ZYG11B: variants seen among roughly 807,000 people sequenced by gnomAD.
ZYG11B encodes zyg-11 family member B, cell cycle regulator.
In ZYG11B, 36 loss-of-function variants were observed where a neutral mutation model predicts 82.4. The ratio of observed to expected loss-of-function variants is 0.44; its 90% CI spans 0.33 to 0.58. The LOEUF is 0.58. ZYG11B is among the 20% of genes least tolerant of loss of function. The probability of loss-of-function intolerance (pLI) is 0.02; values close to 1 mark genes in which losing one functional copy is unlikely to be tolerated. For missense variants in ZYG11B, 552 were observed against 895.6 expected (o/e 0.62, Z 4.90); for synonymous variants, 303 against 312.8 (o/e 0.97, Z 0.33).
intron 1 of ZYG11B, among the ~76,000 whole-genome samples, chr1:52,734,803 A>C (rs1375823464): frequency 6.6e-6 from 1 of 152,004 alleles, no homozygotes; most frequent in African/African-American, 2.4e-5. Flanking sequence ...ATCTGGGCTC[A>C]ACACAACGTC....
intron 10 of ZYG11B, among the ~76,000 whole-genome samples, chr1:52,804,031 G>A (rs1307446317): frequency 6.6e-6 from 1 of 152,130 alleles, no homozygotes; most frequent in African/African-American, 2.4e-5. Context: ...CTTGAGCCTA[G>A]GAGTTTGAGA....
intron 10 of ZYG11B, 64 bp from the exon 11 acceptor site, chr1:52,813,472 C>G: frequency 7.7e-7 from 1 of 1,291,186 alleles, no homozygotes; most frequent in Non-Finnish European, 1.1e-6. Flanking sequence ...GGCCTAAAAA[C>G]AGTTATCTTA....
chr1:52,776,229 A>AATATATATATATATATATATATATATAT lies in ZYG11B; in HGVS notation c.952-3608_952-3607insATATATATATATATATATATATATATAT, dbSNP rs1293809937. ...AGCAAAACTCTGTCTTAAAAAAAAA[A>AATATATATATATATATATATATATATAT]ATATATATATATATATGCAATAAAG... On this transcript the variant is annotated intron_variant, in intron 3 of 13. Transcript: ENST00000294353. Among the ~76,000 whole-genome samples the AATATATATATATATATATATATATATAT allele has an allele frequency of 1.8e-3, 42 of 23,522 alleles. 5 individuals carry two copies. The highest frequency in any genetic ancestry group is 7.1e-3 in the South Asian group (3 of 422). 15.4% of individuals were successfully genotyped at this position (23,522 alleles called of 152,430 possible).
At position 52,779,005 on chromosome 1, in the gene ZYG11B, A is replaced by T. The variant is rs116706226; in HGVS notation, c.952-848A>T. On this transcript the variant is annotated intron_variant, in intron 3 of 13. Transcript: ENST00000294353. ...GATTATGATAATAGCTCTGAAAGAG[A>T]TGTTTCAGGGGACCTAACTTAAATC... 9.5e-3 allele frequency among the ~76,000 whole-genome samples: 1,440 copies of T among 152,242 alleles called. 25 individuals carry two copies. The highest frequency in any genetic ancestry group is 0.033 in the African/African-American group (1,386 of 41,544).
At chr1:52,728,539 T>G (rs1644303621) in intron 1 of ZYG11B, among the ~76,000 whole-genome samples, 1 of 152,240 alleles carries the variant, frequency 6.6e-6, no homozygotes, top group African/African-American at 2.4e-5. Context: ...ATTACAGGCA[T>G]GAGCCATCAC....
At chr1:52,782,231 G>GTTAATA in intron 4 of ZYG11B, among the ~76,000 whole-genome samples, 1 of 151,774 alleles carries the variant, frequency 6.6e-6, no homozygotes, top group African/African-American at 2.4e-5. Flanking sequence ...CACCATGCCT[G>GTTAATA]GCTGAATTTT....
At chr1:52,735,321 G>C (rs1644370485) in intron 1 of ZYG11B, among the ~76,000 whole-genome samples, 1 of 152,176 alleles carries the variant, frequency 6.6e-6, no homozygotes, top group Non-Finnish European at 1.5e-5. Flanking sequence ...GAGCCACCGT[G>C]CCCGGCCCAA....
intron 10 of ZYG11B, among the ~76,000 whole-genome samples, chr1:52,803,099 C>CACACATATATATAT (rs1558139992): frequency 1.9e-4 from 2 of 10,796 alleles, no homozygotes; most frequent in African/African-American, 3.0e-4. Context: ...TATATATATA[C>CACACATATATATAT]ATATATATAT....
At chr1:52,742,316 A>G (rs1019285327) in intron 1 of ZYG11B, among the ~76,000 whole-genome samples, 1 of 152,032 alleles carries the variant, frequency 6.6e-6, no homozygotes, top group African/African-American at 2.4e-5. Context: ...GCCAGACATG[A>G]TGACACGTGC....
chr1:52,737,445 T>C (rs549213611), intron 1 of ZYG11B, among the ~76,000 whole-genome samples: 2 of 152,300 alleles, frequency 1.3e-5, no homozygotes, highest in East Asian at 3.9e-4. Context: ...GCATAGTGCT[T>C]GACATGTAGT....
At chr1:52,729,141 AC>A (rs1349767250) in intron 1 of ZYG11B, among the ~76,000 whole-genome samples, 2 of 152,106 alleles carry the variant, frequency 1.3e-5, no homozygotes, top group Non-Finnish European at 2.9e-5. Flanking sequence ...TTCCTAAGTC[AC>A]CTTTTCACTG....
intron 1 of ZYG11B, among the ~76,000 whole-genome samples, chr1:52,735,090 G>A (rs1644368152): frequency 6.6e-6 from 1 of 151,138 alleles, no homozygotes; most frequent in Non-Finnish European, 1.5e-5. Flanking sequence ...GAGTGCAATG[G>A]CGCGATCTCG....
intron 3 of ZYG11B, among the ~76,000 whole-genome samples, chr1:52,777,773 CTGAG>C (rs1422176723): frequency 6.6e-6 from 1 of 151,992 alleles, no homozygotes; most frequent in Non-Finnish European, 1.5e-5. Context: ...AACTTAGTTA[CTGAG>C]TAATATATTT....
At chr1:52,738,254 A>T (rs539105630) in intron 1 of ZYG11B, among the ~76,000 whole-genome samples, 2 of 152,296 alleles carry the variant, frequency 1.3e-5, no homozygotes, top group South Asian at 2.1e-4. Flanking sequence ...TCTGTCGCCC[A>T]GGCTGGAGTA....
chr1:52,795,436 C>T (rs766875841), intron 6 of ZYG11B, among the ~76,000 whole-genome samples: 1 of 152,142 alleles, frequency 6.6e-6, no homozygotes, highest in Non-Finnish European at 1.5e-5. Context: ...CAAGAATGGA[C>T]TAATAACTAG....
intron 1 of ZYG11B, among the ~76,000 whole-genome samples, chr1:52,730,283 G>A (rs1239347189): frequency 6.6e-6 from 1 of 151,982 alleles, no homozygotes; most frequent in Non-Finnish European, 1.5e-5. Context: ...GTGACCTCTG[G>A]CATTTTTCAT....
chr1:52,774,976 T>C (rs1253589791), intron 3 of ZYG11B, among the ~76,000 whole-genome samples: 2 of 152,202 alleles, frequency 1.3e-5, no homozygotes, highest in African/African-American at 4.8e-5. Context: ...TTCTTAGTCT[T>C]CATTTTATTT....
At chr1:52,743,402 T>TAAAAAAAAAAAAAAAA (rs71044414) in intron 1 of ZYG11B, among the ~76,000 whole-genome samples, 13 of 69,088 alleles carry the variant, frequency 1.9e-4, no homozygotes, top group Non-Finnish European at 3.1e-4. Flanking sequence ...CAATAAATAC[T>TAAAAAAAAAAAAAAAA]AAAAAAAAAA....
intron 13 of ZYG11B, among the ~76,000 whole-genome samples, chr1:52,820,266 T>A (rs1254413275): frequency 6.6e-6 from 1 of 152,058 alleles, no homozygotes; most frequent in Non-Finnish European, 1.5e-5. Flanking sequence ...TTAGAATATT[T>A]TGTCTCCAAC....
Sources: gnomAD v4.1 joint callset for allele counts (sites outside exome capture counted in the v4.1 genomes callset) on GRCh38, gnomAD v4.1.1 for gene constraint, MANE v1.5 for transcripts, NCBI Gene and HGNC (gene_info 2026-07-23, HGNC 2026-07-21) for gene names.